HAPLN1: variants seen among roughly 807,000 people sequenced by gnomAD.
HAPLN1 encodes hyaluronan and proteoglycan link protein 1, also known as Cartilage link protein.
In HAPLN1, 13 loss-of-function variants were observed where a neutral mutation model predicts 36.5. The observed-to-expected ratio is 0.36, with a 90% CI of 0.23 to 0.57. The LOEUF is 0.57. HAPLN1 is among the 20% of genes least tolerant of loss of function. HAPLN1 has a pLI of 0.83. For missense variants in HAPLN1, 407 were observed against 439.7 expected (o/e 0.93, Z 0.66); for synonymous variants, 202 against 169.8 (o/e 1.19, Z -1.48).
At chr5:83,670,090 C>G (rs1373465487) in intron 2 of HAPLN1, among the ~76,000 whole-genome samples, 2 of 152,156 alleles carry the variant, frequency 1.3e-5, no homozygotes, top group Non-Finnish European at 2.9e-5. Context: ...TCTCTGTTAT[C>G]TGTAAATGTC....
At chr5:83,647,804 T>C (rs1244312975) in intron 3 of HAPLN1, among the ~76,000 whole-genome samples, 1 of 150,016 alleles carries the variant, frequency 6.7e-6, no homozygotes, top group Non-Finnish European at 1.5e-5. Flanking sequence ...AATAATTACA[T>C]AAAGTAAATA....
At chr5:83,654,555 T>A (rs1750162092) in intron 2 of HAPLN1, among the ~76,000 whole-genome samples, 1 of 152,228 alleles carries the variant, frequency 6.6e-6, no homozygotes, top group Non-Finnish European at 1.5e-5. Context: ...TTCTCAGTAA[T>A]GCCTGAGGGT....
At position 83,644,483 on chromosome 5, in the gene HAPLN1, T is replaced by C; in HGVS notation, c.655A>G (p.Ile219Val). The C allele has an allele frequency of 1.2e-6, 2 of 1,613,298 alleles. No homozygotes were observed. The highest frequency in any genetic ancestry group is 1.7e-6 in the Non-Finnish European group (2 of 1,179,638). The stretch of plus-strand genomic sequence containing the variant: ...CCACAGGGCTCTCTGGGCTTTGTGA[T>C]GGGATATTGCACAGAGCCATCACTG... ...WLSDGSVQYP[I>V]TKPREPCGGQ... The change falls in exon 4 of 5, where the codon ATC becomes GTC. Residue 219 changes from isoleucine to valine, a missense_variant. Physicochemically the swap from Ile to Val is conservative, Grantham distance 29. Transcript: ENST00000274341.
intron 1 of HAPLN1, among the ~76,000 whole-genome samples, chr5:83,712,338 C>A (rs1371901010): frequency 6.6e-6 from 1 of 151,796 alleles, no homozygotes; most frequent in Admixed American, 6.6e-5. Flanking sequence ...TTTGTTTTAT[C>A]GTTATTGCTG....
At chr5:83,704,526 C>A (rs1004147894) in intron 1 of HAPLN1, among the ~76,000 whole-genome samples, 7 of 152,102 alleles carry the variant, frequency 4.6e-5, no homozygotes, top group Admixed American at 4.6e-4. Context: ...CACATAACAA[C>A]ACCCATAAGC....
At chr5:83,676,225 C>G (rs144987005) in intron 1 of HAPLN1, among the ~76,000 whole-genome samples, 37 of 115,146 alleles carry the variant, frequency 3.2e-4, no homozygotes, top group South Asian at 5.0e-4. Context: ...CACAGAGATA[C>G]GCACACATAC....
chr5:83,691,270 G>C (rs1472657022), intron 1 of HAPLN1, among the ~76,000 whole-genome samples: 2 of 151,970 alleles, frequency 1.3e-5, no homozygotes, highest in African/African-American at 4.8e-5. Context: ...ATAGAAATGA[G>C]AGGAAAGGAG....
intron 1 of HAPLN1, among the ~76,000 whole-genome samples, chr5:83,713,450 C>T (rs1683798356): frequency 6.6e-6 from 1 of 152,146 alleles, no homozygotes; most frequent in Non-Finnish European, 1.5e-5. Context: ...CTCATTCTTA[C>T]TAATTCTTCC....
Position 83,644,490 on chromosome 5 carries a change from T to C in HAPLN1, c.648A>G (p.Gln216=). The C allele has an allele frequency of 6.2e-7, 1 of 1,613,110 alleles. No individual in the cohort carries two copies. The highest frequency in any genetic ancestry group is 8.5e-7 in the Non-Finnish European group (1 of 1,179,570). The change falls in exon 4 of 5, where the codon CAA becomes CAG. Residue 216 remains glutamine (Q), a synonymous_variant. Coordinates refer to ENST00000274341, the MANE Select transcript of HAPLN1 (RefSeq NM_001884.4). The part of the protein sequence containing the change: ...NAGWLSDGSV[Q]YPITKPREPC... ...GCTCTCTGGGCTTTGTGATGGGATATTGCACAGAGCCATCACTGAGCCAGC... is the reference window on the plus strand; with the variant it reads ...GCTCTCTGGGCTTTGTGATGGGATACTGCACAGAGCCATCACTGAGCCAGC...
At chr5:83,643,588 C>T (rs1425116881) in intron 4 of HAPLN1, among the ~76,000 whole-genome samples, 1 of 151,956 alleles carries the variant, frequency 6.6e-6, no homozygotes, top group Non-Finnish European at 1.5e-5. Flanking sequence ...AGGAGCTCCA[C>T]ATTTTCTTTC....
At chr5:83,645,409 CA>C (rs1422911627) in intron 3 of HAPLN1, among the ~76,000 whole-genome samples, 2 of 150,366 alleles carry the variant, frequency 1.3e-5, no homozygotes, top group Admixed American at 6.7e-5. Context: ...TGCAGCCCAA[CA>C]AAAATCTGTA....
At chr5:83,685,123 T>G (rs750717436) in intron 1 of HAPLN1, among the ~76,000 whole-genome samples, 12 of 152,234 alleles carry the variant, frequency 7.9e-5, no homozygotes, top group Non-Finnish European at 1.5e-4. Flanking sequence ...CATAATTGGT[T>G]ATATCAAAAG....
chr5:83,697,671 TC>T (rs2112626024), intron 1 of HAPLN1, among the ~76,000 whole-genome samples: 1 of 152,286 alleles, frequency 6.6e-6, no homozygotes, highest in Non-Finnish European at 1.5e-5. Context: ...TTCCAATTTC[TC>T]CACTCTCCAC....
chr5:83,709,808 A>G (rs1319238382), intron 1 of HAPLN1, among the ~76,000 whole-genome samples: 2 of 152,204 alleles, frequency 1.3e-5, no homozygotes, highest in African/African-American at 4.8e-5. Flanking sequence ...GTGTGAGGGA[A>G]TAAATTAGAA....
chr5:83,652,909 A>C, intron 2 of HAPLN1, 85 bp from the exon 3 acceptor site: 1 of 1,253,648 alleles, frequency 8.0e-7, no homozygotes, highest in South Asian at 1.6e-5. Context: ...TCACATATAT[A>C]GGATATCTGA....
At chr5:83,661,217 TCTATAC>T (rs1165856388) in intron 2 of HAPLN1, among the ~76,000 whole-genome samples, 3 of 152,224 alleles carry the variant, frequency 2.0e-5, no homozygotes, top group Non-Finnish European at 2.9e-5. Flanking sequence ...TATATCTATA[TCTATAC>T]CTGTGCCTAT....
rs181133778 is a variant in HAPLN1, at chr5:83,675,431, G to A, written c.-26-1882C>T. On this transcript the variant is annotated intron_variant, in intron 1 of 4. Coordinates refer to ENST00000274341, the MANE Select transcript of HAPLN1 (RefSeq NM_001884.4). The stretch of plus-strand genomic sequence containing the variant: ...GAGTCAAGATGAGCAAAGGTGGAGA[G>A]TTTGCTAAATTAATGTTCACGTTAG... 7 of 152,240 alleles carry A rather than the reference G, an allele frequency of 4.6e-5. No homozygotes were observed. The East Asian group carries it at 1.3e-3, about 29-fold the overall frequency. 9.4% of individuals were successfully genotyped at this position (152,240 alleles called of 1,614,324 possible).
intron 1 of HAPLN1, among the ~76,000 whole-genome samples, chr5:83,715,277 G>A (rs1216492819): frequency 3.9e-5 from 6 of 152,198 alleles, no homozygotes; most frequent in Non-Finnish European, 8.8e-5. Context: ...TAATGCATGA[G>A]TGAACCTCAT....
intron 2 of HAPLN1, among the ~76,000 whole-genome samples, chr5:83,660,126 G>T (rs576788556): frequency 3.9e-5 from 6 of 152,216 alleles, no homozygotes; most frequent in African/African-American, 1.2e-4. Context: ...TTCCTGTTGA[G>T]ATCTGCATTA....
Sources: allele counts gnomAD v4.1 joint callset (sites outside exome capture counted in the v4.1 genomes callset), GRCh38; gene constraint gnomAD v4.1.1; transcripts MANE v1.5; gene names NCBI Gene and HGNC (gene_info 2026-07-23, HGNC 2026-07-21).